CNTN4: variants seen among roughly 807,000 people sequenced by gnomAD.
CNTN4 encodes contactin 4.
In CNTN4, 77 loss-of-function variants were observed where a neutral mutation model predicts 122.5. That is an observed-to-expected ratio of 0.63 (90% CI 0.52 to 0.76). CNTN4 has a LOEUF of 0.76. CNTN4 is among the 30% of genes least tolerant of loss of function. CNTN4 has a pLI of 0.00. For missense variants in CNTN4, 1,256 were observed against 1,259.1 expected, an observed-to-expected ratio of 1.00 and a Z score of 0.04; for synonymous variants, 512 against 447.0, an observed-to-expected ratio of 1.15 and a Z score of -1.83.
At chr3:2,239,242 G>A (rs1048669091) in intron 2 of CNTN4, among the ~76,000 whole-genome samples, 18 of 152,088 alleles carry the variant, frequency 1.2e-4, no homozygotes, top group Admixed American at 2.0e-4. Context: ...CGCAGTTGCC[G>A]ATAATCCTGT....
Position 2,281,826 on chromosome 3 carries a change from T to A in CNTN4, c.-144-57352T>A, listed in dbSNP as rs182601829. 2.8e-3 allele frequency among the ~76,000 whole-genome samples: 433 copies of A among 152,294 alleles called. 3 individuals are homozygous for A. The highest frequency in any genetic ancestry group is 1.0e-2 in the African/African-American group (414 of 41,574). On this transcript the variant is annotated intron_variant, in intron 2 of 24. Coordinates refer to ENST00000418658, the MANE Select transcript of CNTN4 (RefSeq NM_175607.3). The stretch of plus-strand genomic sequence containing the variant: ...CTAGCATCATCTTGCTGTATGGAGA[T>A]AAAGAGCAGTTAATTTTGAGTAATA...
intron 2 of CNTN4, among the ~76,000 whole-genome samples, chr3:2,178,833 T>C (rs1277592580): frequency 6.6e-6 from 1 of 151,966 alleles, no homozygotes; most frequent in Non-Finnish European, 1.5e-5. Context: ...ACACAGATGG[T>C]GCACACAGGA....
At chr3:2,120,403 ATATT>A (rs1315701251) in intron 2 of CNTN4, among the ~76,000 whole-genome samples, 5 of 35,816 alleles carry the variant, frequency 1.4e-4, no homozygotes, top group Admixed American at 4.0e-4. Flanking sequence ...ATATATATAT[ATATT>A]TTTTTTTTTT....
chr3:2,368,157 C>G (rs1387346437), intron 3 of CNTN4, among the ~76,000 whole-genome samples: 1 of 151,204 alleles, frequency 6.6e-6, no homozygotes, highest in African/African-American at 2.4e-5. Flanking sequence ...CTCAGCCTCC[C>G]GAGTAGCTGG....
At chr3:2,704,458 A>C (rs2086537748) in intron 4 of CNTN4, among the ~76,000 whole-genome samples, 1 of 152,136 alleles carries the variant, frequency 6.6e-6, no homozygotes. Flanking sequence ...AAATACAACA[A>C]AAATGATTTC....
At chr3:2,108,197 A>T (rs2032620962) in intron 2 of CNTN4, among the ~76,000 whole-genome samples, 1 of 134,312 alleles carries the variant, frequency 7.4e-6, no homozygotes. Context: ...GACTGTTTAC[A>T]TTGCCTCTCT....
intron 3 of CNTN4, among the ~76,000 whole-genome samples, chr3:2,423,194 A>T (rs1015336381): frequency 3.3e-5 from 5 of 152,336 alleles, no homozygotes; most frequent in Non-Finnish European, 1.5e-5. Context: ...AAGCCTCACA[A>T]GTTGTTGCCT....
chr3:2,749,333 T>TTG (rs1341345035), intron 6 of CNTN4, among the ~76,000 whole-genome samples: 1 of 150,134 alleles, frequency 6.7e-6, no homozygotes, highest in East Asian at 2.0e-4. Context: ...GATAAGTTTT[T>TTG]TTTTTTTTTT....
chr3:2,675,432 A>T lies in CNTN4; in HGVS notation c.56-60783A>T, dbSNP rs376221926. Among the ~76,000 whole-genome samples, 35 of 152,300 alleles carry T rather than the reference A, an allele frequency of 2.3e-4. 1 individual carries two copies. In the South Asian group the frequency reaches 6.8e-3, roughly 30 times the overall value. On this transcript the variant is annotated intron_variant, in intron 4 of 24. Coordinates refer to ENST00000418658, the MANE Select transcript of CNTN4 (RefSeq NM_175607.3). ...TCTCAGCAAGGTCTTTGACTTTCTA[A>T]AATAGTTCCACCCTCTCAGCCAGCC...
At chr3:2,327,752 C>G (rs953264356) in intron 2 of CNTN4, among the ~76,000 whole-genome samples, 7 of 152,126 alleles carry the variant, frequency 4.6e-5, no homozygotes, top group African/African-American at 1.7e-4. Context: ...TAGCAAAAAG[C>G]AGGGACTATA....
intron 3 of CNTN4, among the ~76,000 whole-genome samples, chr3:2,470,980 G>T (rs987763060): frequency 2.2e-4 from 33 of 152,278 alleles, no homozygotes; most frequent in African/African-American, 7.5e-4. Context: ...GATGGCACAT[G>T]TTCATGAAAA....
chr3:2,636,438 C>A (rs944226113), intron 4 of CNTN4, among the ~76,000 whole-genome samples: 2 of 152,170 alleles, frequency 1.3e-5, no homozygotes, highest in Non-Finnish European at 2.9e-5. Flanking sequence ...CACCTACAAC[C>A]TGCTCACCTG....
chr3:2,407,803 A>C (rs953239742), intron 3 of CNTN4, among the ~76,000 whole-genome samples: 2 of 152,194 alleles, frequency 1.3e-5, no homozygotes, highest in African/African-American at 4.8e-5. Flanking sequence ...AAAATCCACT[A>C]TTTTGAGAAT....
intron 6 of CNTN4, among the ~76,000 whole-genome samples, chr3:2,795,885 A>T (rs1371674552): frequency 6.6e-6 from 1 of 152,156 alleles, no homozygotes; most frequent in African/African-American, 2.4e-5. Flanking sequence ...ATCAAGGCAA[A>T]AAGAAATAAA....
intron 3 of CNTN4, among the ~76,000 whole-genome samples, chr3:2,509,799 G>A (rs576161072): frequency 5.9e-5 from 9 of 152,236 alleles, no homozygotes; most frequent in African/African-American, 1.9e-4. Flanking sequence ...TGTGAAGAAA[G>A]CCTCACCTTT....
At chr3:3,016,785 C>T (rs1045366822) in intron 14 of CNTN4, among the ~76,000 whole-genome samples, 2 of 152,102 alleles carry the variant, frequency 1.3e-5, no homozygotes, top group African/African-American at 4.8e-5. Flanking sequence ...TAGTAGTTTC[C>T]ATTTGTGGCA....
intron 7 of CNTN4, among the ~76,000 whole-genome samples, chr3:2,828,140 T>TGTGC (rs2093027049): frequency 6.6e-6 from 1 of 152,120 alleles, no homozygotes; most frequent in Non-Finnish European, 1.5e-5. Flanking sequence ...TGTGTGTGTG[T>TGTGC]GTGCGTGTGT....
intron 13 of CNTN4, among the ~76,000 whole-genome samples, chr3:2,955,966 A>G (rs945747512): frequency 2.0e-5 from 3 of 152,212 alleles, no homozygotes; most frequent in African/African-American, 7.2e-5. Context: ...ATTAAAAGCA[A>G]GGACTCAGCT....
chr3:2,943,620 A>ATG (rs2094639383), intron 13 of CNTN4, among the ~76,000 whole-genome samples: 4 of 79,846 alleles, frequency 5.0e-5, no homozygotes, highest in African/African-American at 2.0e-4. Context: ...ATTTATATAT[A>ATG]TATATATATA....
Sources: gnomAD v4.1 joint callset for allele counts (sites outside exome capture counted in the v4.1 genomes callset) on GRCh38, gnomAD v4.1.1 for gene constraint, MANE v1.5 for transcripts, NCBI Gene and HGNC (gene_info 2026-07-23, HGNC 2026-07-21) for gene names.